ELMO1: variants seen among roughly 807,000 people sequenced by gnomAD.
The protein encoded by ELMO1 is engulfment and cell motility protein 1.
In ELMO1, 26 loss-of-function variants were observed where a neutral mutation model predicts 98.9. The ratio of observed to expected loss-of-function variants is 0.26; its 90% CI spans 0.19 to 0.36. The LOEUF (loss-of-function observed/expected upper bound fraction) is 0.36. Among genes scored for constraint, ELMO1 ranks in the 10% least tolerant of loss-of-function variants. The pLI is 1.00. For synonymous variants in ELMO1, 346 were observed against 346.0 expected, an observed-to-expected ratio of 1.00 and a Z score of 0.00; for missense variants, 627 against 935.2, an observed-to-expected ratio of 0.67 and a Z score of 4.30.
intron 16 of ELMO1, among the ~76,000 whole-genome samples, chr7:36,914,517 T>C (rs199840065): frequency 1.0e-4 from 9 of 89,168 alleles, no homozygotes; most frequent in East Asian, 8.6e-4. Flanking sequence ...ATGTACATTC[T>C]TTTTTTTTTT....
At chr7:36,989,425 G>A (rs1782841946) in intron 16 of ELMO1, among the ~76,000 whole-genome samples, 1 of 152,180 alleles carries the variant, frequency 6.6e-6, no homozygotes, top group African/African-American at 2.4e-5. Context: ...ATTTCAGGGG[G>A]CAGAATCACG....
chr7:36,999,662 A>C (rs1008201599), intron 16 of ELMO1, among the ~76,000 whole-genome samples: 1 of 152,220 alleles, frequency 6.6e-6, no homozygotes, highest in Admixed American at 6.5e-5. Flanking sequence ...GGTAAATACA[A>C]CTGATTCCAC....
intron 16 of ELMO1, among the ~76,000 whole-genome samples, chr7:36,963,404 A>AAATAAAT (rs1562860684): frequency 2.1e-3 from 278 of 135,360 alleles, no homozygotes; most frequent in African/African-American, 3.7e-3. Flanking sequence ...AATAAATAAA[A>AAATAAAT]AAATAAATAA....
At chr7:36,983,965 ATTT>A (rs60966397) in intron 16 of ELMO1, among the ~76,000 whole-genome samples, 5,574 of 143,604 alleles carry the variant, frequency 0.039, 113 homozygotes, top group Middle Eastern at 0.1. Flanking sequence ...ACTGTTTTAG[ATTT>A]TTTTTTTTTT....
At chr7:37,088,233 A>G (rs17170871) in intron 15 of ELMO1, among the ~76,000 whole-genome samples, 4,661 of 152,314 alleles carry the variant, frequency 0.031, 138 homozygotes, top group African/African-American at 0.08. Context: ...AGATGTGCTT[A>G]GTATAGTCTC....
intron 16 of ELMO1, among the ~76,000 whole-genome samples, chr7:36,915,874 T>C (rs568020732): frequency 3.9e-5 from 6 of 152,230 alleles, no homozygotes; most frequent in African/African-American, 1.4e-4. Flanking sequence ...GAAGTACTTA[T>C]AAAGAACTTC....
chr7:36,887,836 C>T (rs1346871952), intron 17 of ELMO1, among the ~76,000 whole-genome samples, 164 bp from the exon 18 acceptor site: 1 of 152,090 alleles, frequency 6.6e-6, no homozygotes, highest in Admixed American at 6.6e-5. Flanking sequence ...GAGTCAGTGG[C>T]CAGGGGCATA....
chr7:37,103,787 G>A (rs1301419112), intron 14 of ELMO1, among the ~76,000 whole-genome samples: 1 of 151,560 alleles, frequency 6.6e-6, no homozygotes, highest in Admixed American at 6.6e-5. Context: ...ATGAGGTCAG[G>A]AGATCAAAAC....
chr7:36,896,478 G>T (rs1382572286), intron 16 of ELMO1, among the ~76,000 whole-genome samples: 1 of 152,206 alleles, frequency 6.6e-6, no homozygotes, highest in Non-Finnish European at 1.5e-5. Context: ...CTGTTGGCAG[G>T]TAGATAGGCT....
chr7:37,257,681 C>T (rs978103688), intron 6 of ELMO1, among the ~76,000 whole-genome samples: 3 of 151,256 alleles, frequency 2.0e-5, no homozygotes, highest in East Asian at 1.9e-4. Context: ...GCCTGGCCAA[C>T]GTGGTGAAAC....
intron 4 of ELMO1, among the ~76,000 whole-genome samples, chr7:37,298,366 A>G (rs1423133902): frequency 2.1e-5 from 3 of 143,802 alleles, no homozygotes; most frequent in African/African-American, 5.2e-5. Flanking sequence ...GGTTAGTTAC[A>G]TATGTATACA....
At chr7:37,039,644 C>T (rs1350537249) in intron 15 of ELMO1, among the ~76,000 whole-genome samples, 1 of 152,240 alleles carries the variant, frequency 6.6e-6, no homozygotes, top group Non-Finnish European at 1.5e-5. Flanking sequence ...TTTCAGTCTG[C>T]ACCTTCTCCT....
intron 4 of ELMO1, among the ~76,000 whole-genome samples, chr7:37,281,520 T>C (rs1314082442): frequency 6.6e-6 from 1 of 152,010 alleles, no homozygotes; most frequent in African/African-American, 2.4e-5. Context: ...GGAAAATGAG[T>C]CTTTAATCTT....
intron 6 of ELMO1, among the ~76,000 whole-genome samples, chr7:37,245,768 G>A (rs1794974774): frequency 6.6e-6 from 1 of 151,992 alleles, no homozygotes; most frequent in East Asian, 1.9e-4. Flanking sequence ...GATAGTTCTG[G>A]AACATCTTGT....
intron 15 of ELMO1, among the ~76,000 whole-genome samples, chr7:37,076,244 T>C (rs1235995887): frequency 6.6e-6 from 1 of 152,236 alleles, no homozygotes; most frequent in Non-Finnish European, 1.5e-5. Context: ...GTTATTTTTT[T>C]TCCTATTTCT....
chr7:37,023,628 G>A (rs1209873622), intron 15 of ELMO1, among the ~76,000 whole-genome samples: 1 of 152,092 alleles, frequency 6.6e-6, no homozygotes, highest in Non-Finnish European at 1.5e-5. Flanking sequence ...TTTTTTTTGA[G>A]ATGGAGTCTT....
intron 1 of ELMO1, among the ~76,000 whole-genome samples, chr7:37,436,789 T>C (rs1162637022): frequency 2.0e-5 from 3 of 152,146 alleles, no homozygotes; most frequent in Admixed American, 1.3e-4. Context: ...ATAAAATGAA[T>C]TGTCCAACCC....
intron 15 of ELMO1, among the ~76,000 whole-genome samples, chr7:37,044,299 G>C (rs1402206506): frequency 6.6e-6 from 1 of 152,148 alleles, no homozygotes; most frequent in Non-Finnish European, 1.5e-5. Flanking sequence ...CAACCCACAT[G>C]AAAGTCATCT....
At chr7:37,267,237 G>A (rs886756364) in intron 5 of ELMO1, among the ~76,000 whole-genome samples, 8 of 152,010 alleles carry the variant, frequency 5.3e-5, no homozygotes, top group African/African-American at 1.9e-4. Flanking sequence ...CCTCTATACA[G>A]GATGTTCTGC....
Sources: gnomAD v4.1 joint callset for allele counts (sites outside exome capture counted in the v4.1 genomes callset) on GRCh38, gnomAD v4.1.1 for gene constraint, MANE v1.5 for transcripts, NCBI Gene and HGNC (gene_info 2026-07-23, HGNC 2026-07-21) for gene names.